FAM133B: variants seen among roughly 807,000 people sequenced by gnomAD.
The protein encoded by FAM133B is protein FAM133B.
Under a neutral mutation model 46.4 loss-of-function variants are expected in FAM133B, and 25 were observed. The observed-to-expected ratio is 0.54, with a 90% CI of 0.39 to 0.75. The LOEUF (loss-of-function observed/expected upper bound fraction) is 0.75. FAM133B is among the 30% of genes least tolerant of loss of function. FAM133B has a pLI of 0.00. For synonymous variants in FAM133B, 75 were observed against 86.0 expected (o/e 0.87, Z 0.71); for missense variants, 205 against 277.6 (o/e 0.74, Z 1.86).
intron 2 of FAM133B, among the ~76,000 whole-genome samples, chr7:92,580,254 A>C (rs968796109): frequency 5.9e-5 from 9 of 151,696 alleles, no homozygotes; most frequent in Non-Finnish European, 1.0e-4. Context: ...AAAAAAAAAA[A>C]AAAAACACAT....
chr7:92,587,395 T>G (rs992105929), intron 1 of FAM133B, among the ~76,000 whole-genome samples: 1 of 151,930 alleles, frequency 6.6e-6, no homozygotes, highest in South Asian at 2.1e-4. Context: ...ACAGGGGTGG[T>G]AGAGGAATGG....
chr7:92,569,498 AATG>A (rs1225420764), intron 9 of FAM133B: 7 of 164,256 alleles, frequency 4.3e-5, no homozygotes, highest in Non-Finnish European at 6.6e-5. Flanking sequence ...AATGTAAGAG[AATG>A]TTTGGTTTCA....
rs117963956 is a variant in FAM133B, at chr7:92,562,417, T to C, written c.658-49A>G. Reference sequence around the variant, plus strand: ...ACATTACTATATAAAAATACGCAAATTAAAAGCATCTTTACCATGCTTCTA... The same window carrying C: ...ACATTACTATATAAAAATACGCAAACTAAAAGCATCTTTACCATGCTTCTA... On this transcript the variant is annotated intron_variant, in intron 10 of 10. Transcript: ENST00000445716. 1,666 of 1,509,900 alleles carry C rather than the reference T, an allele frequency of 1.1e-3. 28 individuals are homozygous for C. The East Asian group carries it at 0.036, about 33-fold the overall frequency. The allele number at this position is 1,509,900 out of a possible 1,614,324, so 93.5% of individuals were successfully genotyped here.
At chr7:92,589,297 C>T (rs1795122525) in intron 1 of FAM133B, among the ~76,000 whole-genome samples, 1 of 152,192 alleles carries the variant, frequency 6.6e-6, no homozygotes, top group African/African-American at 2.4e-5. Context: ...TCAGCCCCCT[C>T]CCCGCCCCAG....
intron 1 of FAM133B, among the ~76,000 whole-genome samples, chr7:92,582,674 CAGA>C (rs1477563004): frequency 2.0e-5 from 3 of 151,888 alleles, no homozygotes; most frequent in Non-Finnish European, 2.9e-5. Context: ...AAAAAATGGG[CAGA>C]AGAATAGGTA....
At chr7:92,590,083 A>T in intron 1 of FAM133B, 185 bp downstream of exon 1, 1 of 727,264 alleles carries the variant, frequency 1.4e-6, no homozygotes. Flanking sequence ...AGAGCTGGGA[A>T]CCCTAAAGCG....
intron 8 of FAM133B, among the ~76,000 whole-genome samples, chr7:92,570,976 A>C (rs1794511194): frequency 6.6e-6 from 1 of 152,192 alleles, no homozygotes; most frequent in Non-Finnish European, 1.5e-5. Context: ...CTCACCCAAT[A>C]GTATCTTTCC....
At chr7:92,570,588 T>C (rs1213367558) in intron 8 of FAM133B, among the ~76,000 whole-genome samples, 2 of 152,168 alleles carry the variant, frequency 1.3e-5, no homozygotes, top group African/African-American at 2.4e-5. Context: ...TTATTTTTCA[T>C]GGAACTGTTC....
At chr7:92,582,075 C>A (rs1176974542) in intron 1 of FAM133B, among the ~76,000 whole-genome samples, 5 of 152,010 alleles carry the variant, frequency 3.3e-5, no homozygotes, top group Non-Finnish European at 7.4e-5. Flanking sequence ...GTGGTGAAAC[C>A]CTGCCTCTAC....
At chr7:92,579,231 G>C in intron 3 of FAM133B, 86 bp downstream of exon 3, 1 of 1,165,686 alleles carries the variant, frequency 8.6e-7, no homozygotes, top group Non-Finnish European at 1.2e-6. Context: ...CTCCCGTTTC[G>C]GCCTCCCAAA....
intron 10 of FAM133B, among the ~76,000 whole-genome samples, 163 bp from the exon 11 acceptor site, chr7:92,562,531 G>A (rs945177671): frequency 1.3e-5 from 2 of 151,994 alleles, no homozygotes; most frequent in Non-Finnish European, 2.9e-5. Context: ...TATCATATGA[G>A]GACTAAAACA....
chr7:92,589,906 G>A (rs1014958410), intron 1 of FAM133B: 1 of 339,488 alleles, frequency 2.9e-6, no homozygotes, highest in South Asian at 3.6e-5. Context: ...TGCGTCCAAG[G>A]GCCTAAGTCT....
At position 92,590,276 on chromosome 7, in the gene FAM133B, T is replaced by C; in HGVS notation, c.16A>G (p.Asn6Asp). Residue 6 changes from asparagine (N) to aspartate (D), a missense_variant, in exon 1 of 11, where the codon AAT (asparagine) becomes GAT (aspartate). Physicochemically the swap from Asn to Asp is conservative, Grantham distance 23. Coordinates refer to ENST00000445716, the MANE Select transcript of FAM133B (RefSeq NM_152789.4). ...CCCGGCTGAGTACTCACCACCCGAT[T>C]GTCCCGCTTCCCCATGGTGCTGGAT... The part of the protein sequence containing the change: MGKRD[N>D]RVAYMNPIAM... 6.2e-7 allele frequency: 1 copy of C among 1,613,776 alleles called. No homozygotes were observed. Among genetic ancestry groups the C allele is most frequent in the South Asian group, 1.1e-5 (1 of 91,084 alleles).
intron 8 of FAM133B, among the ~76,000 whole-genome samples, chr7:92,571,016 T>C (rs750385150): frequency 7.9e-5 from 12 of 152,228 alleles, no homozygotes; most frequent in Non-Finnish European, 1.8e-4. Flanking sequence ...TGGCTGCATT[T>C]AACATTCACT....
At chr7:92,586,119 A>G (rs1368498415) in intron 1 of FAM133B, among the ~76,000 whole-genome samples, 1 of 152,224 alleles carries the variant, frequency 6.6e-6, no homozygotes, top group Non-Finnish European at 1.5e-5. Context: ...GGAAAATGCT[A>G]GTAAAGTAGT....
At chr7:92,586,686 G>A (rs1209955257) in intron 1 of FAM133B, among the ~76,000 whole-genome samples, 2 of 152,132 alleles carry the variant, frequency 1.3e-5, no homozygotes, top group Non-Finnish European at 2.9e-5. Context: ...GGTCTCAAGG[G>A]GATATGTATG....
intron 8 of FAM133B, among the ~76,000 whole-genome samples, chr7:92,570,882 A>G (rs1048378439): frequency 1.3e-5 from 2 of 152,158 alleles, no homozygotes; most frequent in African/African-American, 4.8e-5. Context: ...TCAGAAATTA[A>G]ACACCATTAA....
chr7:92,577,463 A>T, intron 6 of FAM133B, 192 bp downstream of exon 6: 1 of 460,034 alleles, frequency 2.2e-6, no homozygotes, highest in South Asian at 6.7e-5. Context: ...AAATTTTAAA[A>T]TCTAAAAAAT....
intron 8 of FAM133B, among the ~76,000 whole-genome samples, chr7:92,574,309 G>GA (rs1794625926): frequency 6.6e-6 from 1 of 152,208 alleles, no homozygotes; most frequent in Non-Finnish European, 1.5e-5. Context: ...TATGCCAGCT[G>GA]AAAGACACAA....
Sources: gnomAD v4.1 joint callset for allele counts (sites outside exome capture counted in the v4.1 genomes callset) on GRCh38, gnomAD v4.1.1 for gene constraint, MANE v1.5 for transcripts, NCBI Gene and HGNC (gene_info 2026-07-23, HGNC 2026-07-21) for gene names.